Variants in PIK3C2G observed in about 807,000 individuals in gnomAD.
PIK3C2G encodes the protein phosphatidylinositol 3-kinase C2 domain-containing subunit gamma.
A neutral mutation model predicts 181.1 loss-of-function variants in PIK3C2G; 168 were observed. That is an observed-to-expected ratio of 0.93 (90% CI 0.82 to 1.05). The LOEUF is 1.05. Among genes scored for constraint, PIK3C2G ranks in the 50% least tolerant of loss-of-function variants. The probability of loss-of-function intolerance (pLI) is 0.00; values close to 1 mark genes in which losing one functional copy is unlikely to be tolerated. For synonymous variants in PIK3C2G, 573 were observed against 592.2 expected (o/e 0.97, Z 0.47); for missense variants, 1,869 against 1,732.8 (o/e 1.08, Z -1.40).
At chr12:18,641,743 C>CT (rs11285609) in intron 32 of PIK3C2G, among the ~76,000 whole-genome samples, 29,743 of 93,046 alleles carry the variant, frequency 0.32, 6,486 homozygotes, top group East Asian at 0.64. Context: ...CTCTCTCAAG[C>CT]TTTTTTTTTT....
chr12:18,670,855 G>A, the PIK3C2G span, among the ~76,000 whole-genome samples: 45 of 152,174 alleles, frequency 3.0e-4, no homozygotes, highest in East Asian at 7.9e-3. Context: ...AATCAGTTAG[G>A]AAGCTTTCAA....
At chr12:18,345,350 T>C (rs968194358) in intron 10 of PIK3C2G, among the ~76,000 whole-genome samples, 1 of 152,202 alleles carries the variant, frequency 6.6e-6, no homozygotes, top group African/African-American at 2.4e-5. Flanking sequence ...CTTTTTCCTC[T>C]GCTTGTCCCC....
At chr12:18,505,044 G>T (rs920998043) in intron 23 of PIK3C2G, among the ~76,000 whole-genome samples, 1 of 152,110 alleles carries the variant, frequency 6.6e-6, no homozygotes, top group Non-Finnish European at 1.5e-5. Flanking sequence ...CCATCTGAAT[G>T]AAAGAAATAT....
chr12:18,659,759 G>T, the PIK3C2G span, among the ~76,000 whole-genome samples: 1 of 148,992 alleles, frequency 6.7e-6, no homozygotes, highest in East Asian at 2.0e-4. Flanking sequence ...GTGCCATATT[G>T]GTGTGCTGCA....
At chr12:18,489,885 C>G (rs1392267722) in intron 19 of PIK3C2G, among the ~76,000 whole-genome samples, 1 of 151,946 alleles carries the variant, frequency 6.6e-6, no homozygotes, top group Non-Finnish European at 1.5e-5. Context: ...CTTCAAGTAC[C>G]AGAGTGATAT....
At chr12:18,549,530 A>G (rs1195175803) in intron 26 of PIK3C2G, among the ~76,000 whole-genome samples, 4 of 152,018 alleles carry the variant, frequency 2.6e-5, no homozygotes, top group Admixed American at 6.6e-5. Flanking sequence ...TGAGACCCCA[A>G]GGAAGTTAAA....
At chr12:18,292,225 A>T (rs200212498) in intron 4 of PIK3C2G, among the ~76,000 whole-genome samples, 351 of 55,242 alleles carry the variant, frequency 6.4e-3, no homozygotes, top group Middle Eastern at 0.032. Flanking sequence ...AAAAAAAAAA[A>T]AAATATATAT....
At chr12:18,589,742 C>T (rs557558072) in intron 29 of PIK3C2G, among the ~76,000 whole-genome samples, 2 of 152,122 alleles carry the variant, frequency 1.3e-5, no homozygotes, top group East Asian at 3.9e-4. Flanking sequence ...TTGTTTAGCA[C>T]ATAAGGAATT....
At chr12:18,612,502 C>T (rs1948393806) in intron 31 of PIK3C2G, among the ~76,000 whole-genome samples, 1 of 152,078 alleles carries the variant, frequency 6.6e-6, no homozygotes, top group Non-Finnish European at 1.5e-5. Flanking sequence ...CTCATGTGAA[C>T]AACTAAGGAC....
intron 31 of PIK3C2G, among the ~76,000 whole-genome samples, chr12:18,621,844 C>T (rs554269993): frequency 2.6e-5 from 4 of 151,742 alleles, no homozygotes; most frequent in African/African-American, 7.2e-5. Context: ...TTCATAAAGA[C>T]CTGAAATTAT....
intron 8 of PIK3C2G, among the ~76,000 whole-genome samples, chr12:18,328,477 C>G (rs546547395): frequency 3.9e-5 from 6 of 152,060 alleles, no homozygotes; most frequent in African/African-American, 1.4e-4. Flanking sequence ...TGGTTACAAG[C>G]AAATCTATTG....
At chr12:18,483,609 C>T (rs1227306875) in intron 18 of PIK3C2G, among the ~76,000 whole-genome samples, 1 of 151,508 alleles carries the variant, frequency 6.6e-6, no homozygotes, top group Admixed American at 6.6e-5. Context: ...ATCTAATTCA[C>T]CAGACTTGGC....
At chr12:18,313,891 G>A (rs1950746863) in intron 5 of PIK3C2G, 71 bp from the exon 6 acceptor site, 2 of 818,700 alleles carry the variant, frequency 2.4e-6, no homozygotes, top group Non-Finnish European at 4.0e-6. Flanking sequence ...AGAAAATGAA[G>A]TCAGAGAGGA....
intron 15 of PIK3C2G, among the ~76,000 whole-genome samples, chr12:18,394,690 G>C (rs995458456): frequency 2.0e-5 from 3 of 151,876 alleles, no homozygotes; most frequent in Non-Finnish European, 4.4e-5. Flanking sequence ...AATAGATTGT[G>C]AAATGCAAGA....
intron 31 of PIK3C2G, among the ~76,000 whole-genome samples, chr12:18,619,686 TTATTAA>T (rs1219192947): frequency 1.3e-5 from 2 of 152,282 alleles, no homozygotes; most frequent in Non-Finnish European, 2.9e-5. Context: ...GATGTATCTG[TTATTAA>T]TATCTAATAA....
At chr12:18,607,045 A>C (rs540073931) in intron 30 of PIK3C2G, 2 of 334,728 alleles carry the variant, frequency 6.0e-6, no homozygotes, top group East Asian at 1.6e-4. Context: ...CCTGAGATAG[A>C]TTGTAATCCC....
intron 1 of PIK3C2G, among the ~76,000 whole-genome samples, chr12:18,256,309 C>T (rs1948145410): frequency 6.6e-6 from 1 of 151,906 alleles, no homozygotes; most frequent in Admixed American, 6.6e-5. Flanking sequence ...CAGTCAGATC[C>T]ATGGGCAAAT....
Position 18,640,518 on chromosome 12 carries a change from T to G in PIK3C2G, c.4272T>G (p.Ser1424=), listed in dbSNP as rs1415435599. Residue 1424 remains serine (S), a synonymous_variant, in exon 32 of 33, where the codon TCT becomes TCG. Transcript: ENST00000538779. Reference sequence around the variant, plus strand: ...AAGTTCGTAGGAGGAAAACAAAATCTGTTCCAAAATGTACGGACCCCACTT... The same window carrying G: ...AAGTTCGTAGGAGGAAAACAAAATCGGTTCCAAAATGTACGGACCCCACTT... ...PSEVRRRKTK[S]VPKCTDPTYN... 1 of 1,603,578 alleles carries G rather than the reference T, an allele frequency of 6.2e-7. No homozygotes were observed. The highest frequency in any genetic ancestry group is 8.5e-7 in the Non-Finnish European group (1 of 1,173,922).
intron 18 of PIK3C2G, among the ~76,000 whole-genome samples, chr12:18,434,842 C>CT (rs1335215038): frequency 6.6e-6 from 1 of 152,074 alleles, no homozygotes; most frequent in African/African-American, 2.4e-5. Context: ...CAAAATTAGT[C>CT]TTAACAGACA....
Sources: gnomAD v4.1 joint callset for allele counts (sites outside exome capture counted in the v4.1 genomes callset) on GRCh38, gnomAD v4.1.1 for gene constraint, MANE v1.5 for transcripts, NCBI Gene and HGNC (gene_info 2026-07-23, HGNC 2026-07-21) for gene names.